SLC71A2: variants seen among roughly 807,000 people sequenced by gnomAD.
SLC71A2 encodes hippocampus abundant transcript-like 1.
chr9:94,418,656 G>A, the SLC71A2 span, among the ~76,000 whole-genome samples: 7,624 of 152,040 alleles, frequency 0.05, 254 homozygotes, highest in Non-Finnish European at 0.075. Context: ...GGCTGGTCTC[G>A]AACTCCTGAC....
At chr9:94,441,418 A>G in the SLC71A2 span, among the ~76,000 whole-genome samples, 301 of 152,214 alleles carry the variant, frequency 2.0e-3, 3 homozygotes, top group African/African-American at 6.7e-3. Flanking sequence ...ACACTTTTAA[A>G]CGGCCAGATC....
chr9:94,389,464 G>A, the SLC71A2 span, among the ~76,000 whole-genome samples: 12 of 151,270 alleles, frequency 7.9e-5, no homozygotes, highest in African/African-American at 2.7e-4. Flanking sequence ...TTTTCAGTAG[G>A]GACGAGGCTT....
chr9:94,443,210 T>C, the SLC71A2 span, among the ~76,000 whole-genome samples: 4 of 152,032 alleles, frequency 2.6e-5, no homozygotes, highest in African/African-American at 9.7e-5. Context: ...AGGGTTAATA[T>C]CTACTCACAG....
chr9:94,401,940 A>G, the SLC71A2 span, among the ~76,000 whole-genome samples: 1 of 152,168 alleles, frequency 6.6e-6, no homozygotes, highest in Non-Finnish European at 1.5e-5. Context: ...TGGATTATTC[A>G]TGCCTCCCCC....
the SLC71A2 span, among the ~76,000 whole-genome samples, chr9:94,413,298 A>G: frequency 2.0e-5 from 3 of 152,248 alleles, no homozygotes; most frequent in African/African-American, 7.2e-5. Context: ...TTTTGTAGCA[A>G]TGCTAATTTC....
chr9:94,458,383 G>A, the SLC71A2 span: 1 of 1,613,902 alleles, frequency 6.2e-7, no homozygotes, highest in Non-Finnish European at 8.5e-7. Context: ...GGCCAGCACT[G>A]TATGGCTTCA....
the SLC71A2 span, among the ~76,000 whole-genome samples, chr9:94,403,503 C>CTTTTT: frequency 6.9e-6 from 1 of 144,124 alleles, no homozygotes; most frequent in African/African-American, 2.5e-5. Flanking sequence ...AGTCAGTTTC[C>CTTTTT]TTTTTTTTTT....
At chr9:94,428,644 T>C in the SLC71A2 span, among the ~76,000 whole-genome samples, 5 of 145,564 alleles carry the variant, frequency 3.4e-5, no homozygotes, top group Admixed American at 6.9e-5. Flanking sequence ...AGGGGTACAT[T>C]TGTTTTATTT....
chr9:94,411,592 G>A, the SLC71A2 span, among the ~76,000 whole-genome samples: 4 of 142,472 alleles, frequency 2.8e-5, no homozygotes, highest in Non-Finnish European at 4.7e-5. Flanking sequence ...TTCGTTAGCC[G>A]ATTTTTTTTT....
At chr9:94,415,084 T>C in the SLC71A2 span, 3 of 1,151,180 alleles carry the variant, frequency 2.6e-6, no homozygotes, top group South Asian at 4.0e-5. Context: ...TTTACACATT[T>C]TTTTCTATAC....
the SLC71A2 span, among the ~76,000 whole-genome samples, chr9:94,430,107 G>A: frequency 1.6e-4 from 24 of 151,640 alleles, no homozygotes; most frequent in South Asian, 6.2e-4. Context: ...ATTTCACCAT[G>A]TTGGTCAGGA....
At chr9:94,456,367 T>C in the SLC71A2 span, 1 of 1,570,234 alleles carries the variant, frequency 6.4e-7, no homozygotes, top group African/African-American at 1.3e-5. Flanking sequence ...CTTGTTTTTC[T>C]CCTTCAACGG....
chr9:94,381,765 A>C, the SLC71A2 span, among the ~76,000 whole-genome samples: 3 of 152,162 alleles, frequency 2.0e-5, no homozygotes, highest in African/African-American at 7.2e-5. Context: ...GAGCCCAGGG[A>C]TTTGAGACCA....
the SLC71A2 span, among the ~76,000 whole-genome samples, chr9:94,390,644 AT>A: frequency 1.2e-4 from 19 of 152,348 alleles, no homozygotes; most frequent in East Asian, 2.1e-3. Context: ...GGATGTGCAC[AT>A]GTGACTGCTT....
the SLC71A2 span, among the ~76,000 whole-genome samples, chr9:94,389,979 C>A: frequency 6.6e-6 from 1 of 152,054 alleles, no homozygotes; most frequent in African/African-American, 2.4e-5. Context: ...CTTTGGGAGG[C>A]CGAGGTGGGT....
chr9:94,417,944 C>T, the SLC71A2 span, among the ~76,000 whole-genome samples: 1 of 142,398 alleles, frequency 7.0e-6, no homozygotes, highest in Non-Finnish European at 1.5e-5. Flanking sequence ...GCATCCTCCG[C>T]CTCCCGGGTT....
At chr9:94,434,475 C>A in the SLC71A2 span, among the ~76,000 whole-genome samples, 4 of 152,260 alleles carry the variant, frequency 2.6e-5, no homozygotes, top group East Asian at 1.9e-4. Flanking sequence ...CACCACCACA[C>A]CTGGCTAATT....
chr9:94,375,281 A>G, the SLC71A2 span, among the ~76,000 whole-genome samples: 8 of 151,718 alleles, frequency 5.3e-5, no homozygotes, highest in Non-Finnish European at 1.0e-4. Flanking sequence ...GAGCATTTGA[A>G]TCAGACCGTC....
chr9:94,406,573 A>G, the SLC71A2 span, among the ~76,000 whole-genome samples: 14 of 152,236 alleles, frequency 9.2e-5, no homozygotes, highest in South Asian at 6.2e-4. Context: ...AAGTCTCACT[A>G]TGTCGCCTGG....
Sources: gnomAD v4.1 joint callset for allele counts (sites outside exome capture counted in the v4.1 genomes callset) on GRCh38, gnomAD v4.1.1 for gene constraint, MANE v1.5 for transcripts, NCBI Gene and HGNC (gene_info 2026-07-23, HGNC 2026-07-21) for gene names.